SMOC1: variants seen among roughly 807,000 people sequenced by gnomAD.
SMOC1 encodes the protein SPARC-related modular calcium-binding protein 1.
Under a neutral mutation model 56.3 loss-of-function variants are expected in SMOC1, and 22 were observed. The observed-to-expected ratio is 0.39, with a 90% CI of 0.28 to 0.56. SMOC1 has a LOEUF of 0.56. Ranked by LOEUF, SMOC1 falls within the 20% of genes least tolerant of loss-of-function variation. The probability of loss-of-function intolerance (pLI) is 0.61; values close to 1 mark genes in which losing one functional copy is unlikely to be tolerated. For missense variants in SMOC1, 509 were observed against 565.4 expected (o/e 0.90, Z 1.01); for synonymous variants, 193 against 215.0 (o/e 0.90, Z 0.89).
chr14:69,954,388 CA>C (rs1019411244), intron 3 of SMOC1, among the ~76,000 whole-genome samples: 1 of 152,170 alleles, frequency 6.6e-6, no homozygotes, highest in African/African-American at 2.4e-5. Flanking sequence ...AGACTGGTCT[CA>C]AAGTCCTGGC....
At chr14:69,891,725 G>A (rs1883967882) in intron 1 of SMOC1, among the ~76,000 whole-genome samples, 1 of 152,110 alleles carries the variant, frequency 6.6e-6, no homozygotes, top group Non-Finnish European at 1.5e-5. Context: ...GATCATGAAT[G>A]AGGTTCTTCT....
chr14:69,913,022 A>G (rs1226146556), intron 1 of SMOC1, among the ~76,000 whole-genome samples: 1 of 152,222 alleles, frequency 6.6e-6, no homozygotes, highest in Non-Finnish European at 1.5e-5. Context: ...AACGATGGCT[A>G]ATGGCTGGCA....
chr14:70,028,333 C>A (rs992580577), intron 11 of SMOC1, among the ~76,000 whole-genome samples: 6 of 152,172 alleles, frequency 3.9e-5, no homozygotes, highest in Admixed American at 6.5e-5. Context: ...GCCTGGGGCT[C>A]AGCCTTCTTC....
At chr14:69,885,932 A>C in intron 1 of SMOC1, 2 of 1,597,210 alleles carry the variant, frequency 1.3e-6, no homozygotes, top group Non-Finnish European at 1.7e-6. Context: ...CCGCTTATAG[A>C]GGATGGCTCT....
At chr14:69,947,717 A>G (rs1221061691) in intron 1 of SMOC1, among the ~76,000 whole-genome samples, 3 of 152,122 alleles carry the variant, frequency 2.0e-5, no homozygotes, top group African/African-American at 7.2e-5. Context: ...CTCTAGCCAC[A>G]TGTGGTCGTT....
At chr14:69,910,233 G>A (rs1884522105) in intron 1 of SMOC1, among the ~76,000 whole-genome samples, 1 of 152,188 alleles carries the variant, frequency 6.6e-6, no homozygotes, top group African/African-American at 2.4e-5. Context: ...TCCCACTTAC[G>A]ATTGAGCAAA....
intron 1 of SMOC1, among the ~76,000 whole-genome samples, chr14:69,881,996 T>A (rs771080181): frequency 7.9e-5 from 12 of 152,172 alleles, no homozygotes; most frequent in Non-Finnish European, 1.5e-4. Flanking sequence ...TTCATCCGAG[T>A]GATGCTGTTT....
intron 5 of SMOC1, among the ~76,000 whole-genome samples, chr14:69,986,820 A>G (rs1884383193): frequency 6.6e-6 from 1 of 152,134 alleles, no homozygotes; most frequent in African/African-American, 2.4e-5. Flanking sequence ...TTCTTTTGGG[A>G]GGGAACATGC....
At chr14:69,929,000 C>T (rs1425127493) in intron 1 of SMOC1, among the ~76,000 whole-genome samples, 5 of 152,214 alleles carry the variant, frequency 3.3e-5, no homozygotes, top group Non-Finnish European at 5.9e-5. Context: ...TGGAGTGAAA[C>T]TCTCTGGAGG....
chr14:69,934,501 G>A (rs1217652331), intron 1 of SMOC1, among the ~76,000 whole-genome samples: 1 of 152,226 alleles, frequency 6.6e-6, no homozygotes, highest in Non-Finnish European at 1.5e-5. Context: ...GCCAGATGGG[G>A]CAGGAAGGAT....
chr14:69,985,933 T>C (rs1884348272), intron 5 of SMOC1, among the ~76,000 whole-genome samples: 1 of 152,220 alleles, frequency 6.6e-6, no homozygotes, highest in Admixed American at 6.5e-5. Context: ...ATCATAGGTA[T>C]GTATGGGGAA....
At chr14:69,885,347 A>T in intron 1 of SMOC1, 1 of 1,576,456 alleles carries the variant, frequency 6.3e-7, no homozygotes, top group Non-Finnish European at 8.6e-7. Context: ...CATTTAACCC[A>T]GTTTAGTGGC....
At chr14:69,885,356 G>A in intron 1 of SMOC1, 4 of 1,592,568 alleles carry the variant, frequency 2.5e-6, no homozygotes, top group Non-Finnish European at 3.4e-6. Flanking sequence ...CAGTTTAGTG[G>A]CAAGTTCTTT....
chr14:70,018,386 TA>T (rs1372544841), intron 10 of SMOC1, among the ~76,000 whole-genome samples: 5 of 152,164 alleles, frequency 3.3e-5, no homozygotes, highest in African/African-American at 1.2e-4. Context: ...CCTGATTTAT[TA>T]GCAAAAAACA....
intron 3 of SMOC1, among the ~76,000 whole-genome samples, chr14:69,968,387 C>T (rs1883645635): frequency 6.6e-6 from 1 of 152,146 alleles, no homozygotes; most frequent in African/African-American, 2.4e-5. Context: ...ACCCAATAAA[C>T]AATCTTCTCC....
intron 1 of SMOC1, among the ~76,000 whole-genome samples, chr14:69,927,741 G>T (rs1327947292): frequency 6.6e-6 from 1 of 152,186 alleles, no homozygotes; most frequent in Admixed American, 6.5e-5. Context: ...CTTGGGGGTG[G>T]AGACACTTCT....
rs563289255 is a variant in SMOC1, at chr14:69,902,924, G to A, written c.99+23147G>A. On this transcript the variant is annotated intron_variant, in intron 1 of 11. Coordinates refer to ENST00000361956, the MANE Select transcript of SMOC1 (RefSeq NM_001034852.3). ...CGGAGTCTCGTTCACTCAGTGCTCAGTGTTGCCTAGGCTGGAGTGCAGTGG... is the reference window on the plus strand; with the variant it reads ...CGGAGTCTCGTTCACTCAGTGCTCAATGTTGCCTAGGCTGGAGTGCAGTGG... 1.6e-3 allele frequency among the ~76,000 whole-genome samples: 239 copies of A among 152,260 alleles called. 1 individual carries two copies. Among genetic ancestry groups the A allele is most frequent in the Non-Finnish European group, 2.4e-3 (163 of 68,010 alleles).
intron 1 of SMOC1, among the ~76,000 whole-genome samples, chr14:69,904,250 A>G (rs1884347733): frequency 6.6e-6 from 1 of 152,252 alleles, no homozygotes; most frequent in African/African-American, 2.4e-5. Flanking sequence ...CACTTCTGTA[A>G]TGAACTAAAC....
rs1885808659 is a variant in SMOC1 at position 70,023,454 on chromosome 14, G to A, written c.1291+7G>A. The A allele has an allele frequency of 6.2e-7, 1 of 1,613,696 alleles. No individual in the cohort carries two copies. The highest frequency in any genetic ancestry group is 1.7e-5 in the Admixed American group (1 of 60,008). On this transcript the variant is annotated splice_region_variant and intron_variant, in intron 11 of 11. Transcript: ENST00000361956. ...CTGGGTGTTAGCAAAGAAGGTGAGT[G>A]CTCTCCCCTGTGCTCCTGGCCTTTC...
Sources: gnomAD v4.1 joint callset for allele counts (sites outside exome capture counted in the v4.1 genomes callset) on GRCh38, gnomAD v4.1.1 for gene constraint, MANE v1.5 for transcripts, NCBI Gene and HGNC (gene_info 2026-07-23, HGNC 2026-07-21) for gene names.